The following DPY19L1 variants were observed in gnomAD, a reference collection of about 807,000 sequenced individuals.
DPY19L1 encodes dpy-19 like C-mannosyltransferase 1.
Under a neutral mutation model 96.9 loss-of-function variants are expected in DPY19L1, and 35 were observed. The observed-to-expected ratio is 0.36, with a 90% CI of 0.28 to 0.48. The LOEUF is 0.48. Among genes scored for constraint, DPY19L1 ranks in the 20% least tolerant of loss-of-function variants. The pLI, the probability that DPY19L1 is intolerant of heterozygous loss-of-function variation, is 0.99. For missense variants in DPY19L1, 521 were observed against 777.9 expected (o/e 0.67, Z 3.93); for synonymous variants, 205 against 252.6 (o/e 0.81, Z 1.79).
intron 4 of DPY19L1, among the ~76,000 whole-genome samples, chr7:35,012,560 A>C (rs1011490805): frequency 4.6e-5 from 7 of 152,348 alleles, no homozygotes; most frequent in Admixed American, 2.6e-4. Flanking sequence ...GTTACACACA[A>C]TACATTTTCA....
In DPY19L1 at chr7:34,940,136, C is replaced by CTTT. The variant is rs374009680; in HGVS notation, c.1864+14_1864+16dup. The CTTT allele has an allele frequency of 6.6e-5, 83 of 1,258,542 alleles. No homozygotes were observed. The highest frequency in any genetic ancestry group is 2.5e-4 in the Admixed American group (7 of 28,166). The allele number at this position is 1,258,542 out of a possible 1,614,324, so 78.0% of individuals were successfully genotyped here. A position where few individuals can be genotyped will look rare whatever the true frequency, so the allele number is the denominator to read the frequency against. ...AGCTAAATAATATGACTTTTTTTTTCTTTTTTTTTTTTTTACCTGGTTTAG... is the reference window on the plus strand; with the variant it reads ...AGCTAAATAATATGACTTTTTTTTTCTTTTTTTTTTTTTTTTTACCTGGTTTAG... On this transcript the variant is annotated intron_variant, in intron 19 of 21. Transcript: ENST00000638088.
intron 13 of DPY19L1, among the ~76,000 whole-genome samples, chr7:34,953,605 C>T (rs1490125751): frequency 1.3e-5 from 2 of 152,158 alleles, no homozygotes; most frequent in Non-Finnish European, 2.9e-5. Context: ...TGTATTGTAA[C>T]TGCTAGGAAT....
chr7:35,004,265 A>G (rs867503640), intron 6 of DPY19L1, among the ~76,000 whole-genome samples: 6 of 152,188 alleles, frequency 3.9e-5, no homozygotes, highest in African/African-American at 1.4e-4. Context: ...CAGGGAACCT[A>G]AAGACCATGA....
intron 6 of DPY19L1, among the ~76,000 whole-genome samples, chr7:34,995,139 T>C (rs573984078): frequency 2.0e-5 from 3 of 152,292 alleles, no homozygotes; most frequent in East Asian, 3.9e-4. Context: ...TGTGAAATGA[T>C]GTGACTTGAA....
At chr7:34,957,122 C>T (rs1784394654) in intron 11 of DPY19L1, among the ~76,000 whole-genome samples, 3 of 151,850 alleles carry the variant, frequency 2.0e-5, no homozygotes, top group Non-Finnish European at 4.4e-5. Flanking sequence ...GTGGCTCACG[C>T]CTGTAATCCC....
chr7:34,939,407 A>C (rs1783946612), intron 19 of DPY19L1, 32 bp from the exon 20 acceptor site: 14 of 1,595,778 alleles, frequency 8.8e-6, no homozygotes, highest in Non-Finnish European at 1.1e-5. Context: ...TCAGGAAGAC[A>C]CTCAGTGAAG....
rs555947900 is a variant in DPY19L1 at position 35,027,147 on chromosome 7, T to C, written c.299-8551A>G. On this transcript the variant is annotated intron_variant, in intron 1 of 21. Coordinates refer to ENST00000638088, the MANE Select transcript of DPY19L1 (RefSeq NM_001366673.1). ...TGAATCCAGGAGGTGGAGGTTACAGTGAGCCGAGATTGCGCCATTGCACTC... is the reference window on the plus strand; with the variant it reads ...TGAATCCAGGAGGTGGAGGTTACAGCGAGCCGAGATTGCGCCATTGCACTC... Among the ~76,000 whole-genome samples the C allele has an allele frequency of 8.6e-5, 13 of 151,900 alleles. No homozygotes were observed. In the East Asian group the frequency reaches 1.9e-3, roughly 23 times the overall value.
chr7:34,936,412 A>G (rs1783868627), intron 21 of DPY19L1, among the ~76,000 whole-genome samples: 1 of 152,170 alleles, frequency 6.6e-6, no homozygotes, highest in South Asian at 2.1e-4. Context: ...GTTAGCTTGG[A>G]GAAAAAAGGT....
At chr7:34,936,658 TATAC>T (rs1363086758) in intron 21 of DPY19L1, among the ~76,000 whole-genome samples, 2 of 152,236 alleles carry the variant, frequency 1.3e-5, no homozygotes, top group Non-Finnish European at 2.9e-5. Context: ...GTGAATTTCA[TATAC>T]ATATTCACAA....
intron 14 of DPY19L1, 135 bp from the exon 15 acceptor site, chr7:34,947,836 A>G (rs1167270866): frequency 2.9e-6 from 2 of 686,650 alleles, no homozygotes; most frequent in African/African-American, 1.8e-5. Flanking sequence ...GACTGCCATC[A>G]TAAAAAGGAA....
At chr7:34,992,977 T>C (rs1045886732) in intron 6 of DPY19L1, among the ~76,000 whole-genome samples, 6 of 152,208 alleles carry the variant, frequency 3.9e-5, no homozygotes, top group Admixed American at 2.6e-4. Flanking sequence ...AAAGTCTGAC[T>C]TCATTCCTTT....
intron 20 of DPY19L1, among the ~76,000 whole-genome samples, chr7:34,938,738 T>C (rs999078073): frequency 6.6e-6 from 1 of 152,020 alleles, no homozygotes; most frequent in African/African-American, 2.4e-5. Context: ...GCAAGAAAAA[T>C]TAAATTTTTA....
intron 7 of DPY19L1, among the ~76,000 whole-genome samples, chr7:34,984,881 C>A (rs1219314406): frequency 6.6e-6 from 1 of 152,166 alleles, no homozygotes. Flanking sequence ...CTCATCCTTG[C>A]TACTGCCCAG....
At chr7:34,969,571 G>T (rs62461951) in intron 8 of DPY19L1, 39 bp from the exon 9 acceptor site, 3 of 1,091,596 alleles carry the variant, frequency 2.7e-6, no homozygotes, top group African/African-American at 3.3e-5. Flanking sequence ...GTTTAAACAC[G>T]AAATAGTCTA....
intron 10 of DPY19L1, 121 bp downstream of exon 10, chr7:34,966,773 T>C (rs1751742114): frequency 3.1e-6 from 3 of 979,228 alleles, no homozygotes; most frequent in South Asian, 1.8e-5. Flanking sequence ...ATCACAATGT[T>C]TGAACAACAT....
Position 34,931,351 on chromosome 7 carries a change from T to C in DPY19L1, c.*222A>G, listed in dbSNP as rs890025224. 4.0e-6 allele frequency: 2 copies of C among 501,346 alleles called. No homozygotes were observed. 31.1% of individuals were successfully genotyped at this position (501,346 alleles called of 1,614,324 possible). ...AAAGTCAAGTACAAGCATATACTCA[T>C]TTGCATAGCAAATTTTAAAGGGTGC... On this transcript the variant is annotated 3_prime_UTR_variant, in exon 22 of 22. Transcript: ENST00000638088.
chr7:34,959,898 AATAT>A (rs368552911), intron 10 of DPY19L1, among the ~76,000 whole-genome samples: 3,523 of 62,156 alleles, frequency 0.057, 120 homozygotes, highest in East Asian at 0.23. Context: ...TTTGTATATA[AATAT>A]ATATATATAT....
At chr7:34,987,824 C>T (rs1461723500) in intron 7 of DPY19L1, 2 of 151,936 alleles carry the variant, frequency 1.3e-5, no homozygotes, top group Non-Finnish European at 2.9e-5. Context: ...GAGTTCTCAC[C>T]AATATTTTAC....
intron 3 of DPY19L1, 107 bp downstream of exon 3, chr7:35,017,775 C>T (rs1409647762): frequency 3.4e-5 from 25 of 743,666 alleles, no homozygotes; most frequent in Non-Finnish European, 5.2e-5. Context: ...GAAGGTGGAG[C>T]ATCTACTCTT....
Sources: allele counts gnomAD v4.1 joint callset (sites outside exome capture counted in the v4.1 genomes callset), GRCh38; gene constraint gnomAD v4.1.1; transcripts MANE v1.5; gene names NCBI Gene and HGNC (gene_info 2026-07-23, HGNC 2026-07-21).